DHCR24: variants seen among roughly 807,000 people sequenced by gnomAD.
DHCR24 encodes the protein delta(24)-sterol reductase.
In DHCR24, 28 loss-of-function variants were observed where a neutral mutation model predicts 61.2. The ratio of observed to expected loss-of-function variants is 0.46; its 90% CI spans 0.34 to 0.63. DHCR24 has a LOEUF of 0.63. Among genes scored for constraint, DHCR24 ranks in the 20% least tolerant of loss-of-function variants. The pLI is 0.01. For missense variants in DHCR24, 538 were observed against 679.1 expected, an observed-to-expected ratio of 0.79 and a Z score of 2.31; for synonymous variants, 261 against 275.9, an observed-to-expected ratio of 0.95 and a Z score of 0.54.
intron 2 of DHCR24, among the ~76,000 whole-genome samples, chr1:54,878,613 G>C (rs1647048116): frequency 6.8e-6 from 1 of 147,216 alleles, no homozygotes; most frequent in Non-Finnish European, 1.5e-5. Context: ...AGCCAGACTA[G>C]AAAACTTGAT....
At chr1:54,884,619 T>C (rs1265154427) in intron 1 of DHCR24, among the ~76,000 whole-genome samples, 1 of 152,204 alleles carries the variant, frequency 6.6e-6, no homozygotes, top group Non-Finnish European at 1.5e-5. Flanking sequence ...TTTTGACCTG[T>C]GACCATCCAT....
intron 5 of DHCR24, 65 bp downstream of exon 5, chr1:54,871,285 G>T: frequency 6.2e-7 from 1 of 1,601,244 alleles, no homozygotes; most frequent in Non-Finnish European, 8.5e-7. Context: ...TACGGGAACC[G>T]GCTCAGTCCT....
intron 1 of DHCR24, among the ~76,000 whole-genome samples, chr1:54,885,083 T>C (rs1217700377): frequency 6.6e-6 from 1 of 152,214 alleles, no homozygotes; most frequent in East Asian, 1.9e-4. Flanking sequence ...ACCAAAAGTC[T>C]GGTCAAATAC....
chr1:54,871,853 T>C (rs937511731), intron 4 of DHCR24, among the ~76,000 whole-genome samples: 2 of 151,976 alleles, frequency 1.3e-5, no homozygotes, highest in African/African-American at 4.8e-5. Flanking sequence ...AGCATCCTCC[T>C]TCTCCCATCT....
rs151322047 is a variant in DHCR24 at position 54,882,106 on chromosome 1, G to A, written c.387+1512C>T. The stretch of plus-strand genomic sequence containing the variant: ...TTTACCTATATAACAAACCTGTACA[G>A]GTACCACTTAATTTAAAAGTTTAAA... On this transcript the variant is annotated intron_variant, in intron 2 of 8. Coordinates refer to ENST00000371269, the MANE Select transcript of DHCR24 (RefSeq NM_014762.4). Among the ~76,000 whole-genome samples, 1,124 of 145,750 alleles carry A rather than the reference G, an allele frequency of 7.7e-3. 13 individuals carry two copies. The highest frequency in any genetic ancestry group is 0.027 in the African/African-American group (1,054 of 39,052).
At position 54,877,635 on chromosome 1, in the gene DHCR24, G is replaced by A. The variant is rs551872318; in HGVS notation, c.388-1588C>T. On this transcript the variant is annotated intron_variant, in intron 2 of 8. Transcript: ENST00000371269. ...TAAAAAAAGGTGAGCTCTAGGGATGGCCCATTTAACTGCCTGGAGTTAGGC... is the reference window on the plus strand; with the variant it reads ...TAAAAAAAGGTGAGCTCTAGGGATGACCCATTTAACTGCCTGGAGTTAGGC... Among the ~76,000 whole-genome samples, 17 of 151,730 alleles carry A rather than the reference G, an allele frequency of 1.1e-4. No homozygotes were observed. In the South Asian group the frequency reaches 3.6e-3, roughly 32 times the overall value.
Position 54,887,116 on chromosome 1 carries a change from C to G in DHCR24, c.4G>C (p.Glu2Gln). 1 of 1,578,102 alleles carries G rather than the reference C, an allele frequency of 6.3e-7. No individual in the cohort carries two copies. The highest frequency in any genetic ancestry group is 8.6e-7 in the Non-Finnish European group (1 of 1,162,776). Residue 2 changes from glutamate to glutamine, a missense_variant, in exon 1 of 9, where the codon GAG becomes CAG. By Grantham distance (29) the Glu-to-Gln change is conservative. Coordinates refer to ENST00000371269, the MANE Select transcript of DHCR24 (RefSeq NM_014762.4). MEPAVSLAVCAL... is the reference protein window; with the variant it reads MQPAVSLAVCAL... Reference sequence around the variant, plus strand: ...CACACGGCCAGCGACACGGCGGGCTCCATGGTGCGGCGCCGCGCGGTAAGC... The same window carrying G: ...CACACGGCCAGCGACACGGCGGGCTGCATGGTGCGGCGCCGCGCGGTAAGC...
chr1:54,859,499 A>G (rs986671997), intron 6 of DHCR24, among the ~76,000 whole-genome samples: 3 of 151,876 alleles, frequency 2.0e-5, no homozygotes, highest in South Asian at 2.1e-4. Context: ...TTTTTGAGAC[A>G]GAGTCTCGCT....
At chr1:54,875,256 A>T in intron 3 of DHCR24, 45 bp from the exon 4 acceptor site, 1 of 1,594,178 alleles carries the variant, frequency 6.3e-7, no homozygotes, top group Non-Finnish European at 8.6e-7. Flanking sequence ...AGCTGTGGGT[A>T]CAGGGTTGGG....
chr1:54,865,250 C>G (rs962018792), intron 6 of DHCR24, 53 bp downstream of exon 6: 1 of 1,588,082 alleles, frequency 6.3e-7, no homozygotes, highest in Admixed American at 1.8e-5. Flanking sequence ...ACTGTCCGGG[C>G]TCCCTGCCCA....
Position 54,875,168 on chromosome 1 carries a change from C to T in DHCR24, c.537G>A (p.Lys179=). ...MGTGIESSSH[K]YGLFQHICTA... is the part of the protein sequence containing the mutation. ...TGCAGATGTGTTGGAACAGGCCGTA[C>T]TTGTGGGATGATGACTCGATGCCTG... is the stretch of plus-strand genomic sequence containing the variant. Residue 179 remains lysine, a synonymous_variant, in exon 4 of 9, where the codon AAG becomes AAA. Transcript: ENST00000371269. 6.2e-7 allele frequency: 1 copy of T among 1,614,146 alleles called. No individual in the cohort carries two copies. Among genetic ancestry groups the T allele is most frequent in the Non-Finnish European group, 8.5e-7 (1 of 1,180,024 alleles).
At chr1:54,884,484 G>C (rs114953124) in intron 1 of DHCR24, among the ~76,000 whole-genome samples, 4,165 of 152,284 alleles carry the variant, frequency 0.027, 199 homozygotes, top group African/African-American at 0.093. Flanking sequence ...AAACCTCTAA[G>C]GTAAGTGACC....
intron 6 of DHCR24, among the ~76,000 whole-genome samples, chr1:54,863,272 G>A (rs1159775556): frequency 5.9e-5 from 9 of 151,866 alleles, no homozygotes; most frequent in Non-Finnish European, 7.4e-5. Context: ...GTCCACTCCC[G>A]TCCCCATCCA....
At chr1:54,871,232 G>T in intron 5 of DHCR24, 118 bp downstream of exon 5, 1 of 1,298,648 alleles carries the variant, frequency 7.7e-7, no homozygotes, top group Non-Finnish European at 1.1e-6. Flanking sequence ...CAGGTGGGTT[G>T]ACCCAGGCAG....
intron 5 of DHCR24, among the ~76,000 whole-genome samples, chr1:54,866,973 T>C (rs1238635627): frequency 6.6e-6 from 1 of 152,194 alleles, no homozygotes; most frequent in Non-Finnish European, 1.5e-5. Flanking sequence ...TACCTGGCAG[T>C]GGCAGCAGCT....
At position 54,883,724 on chromosome 1, in the gene DHCR24, C is replaced by T. The variant is rs387906939; in HGVS notation, c.281G>A (p.Arg94His). Residue 94 changes from arginine (R) to histidine (H), a missense_variant, in exon 2 of 9, where the codon CGC (arginine) becomes CAC (histidine). Coordinates refer to ENST00000371269, the MANE Select transcript of DHCR24 (RefSeq NM_014762.4). This position sits in a 1 kb window ranked among gnomAD's most constrained non-coding sequence, Gnocchi z 4.3. Reference sequence around the variant, plus strand: ...TAGTGAGACAGTGAGCCAGCCAGGGCGCCCCGTGCACATGAAGGTCTTGCT... The same window carrying T: ...TAGTGAGACAGTGAGCCAGCCAGGGTGCCCCGTGCACATGAAGGTCTTGCT... ...QGSKTFMCTGRPGWLTVSLRV... is the reference protein window; with the variant it reads ...QGSKTFMCTGHPGWLTVSLRV... 3 of 1,614,100 alleles carry T rather than the reference C, an allele frequency of 1.9e-6. No homozygotes were observed. Among genetic ancestry groups the T allele is most frequent in the Admixed American group, 1.7e-5 (1 of 60,010 alleles).
At chr1:54,861,940 G>C (rs1570185571) in intron 6 of DHCR24, among the ~76,000 whole-genome samples, 1 of 152,214 alleles carries the variant, frequency 6.6e-6, no homozygotes. Flanking sequence ...GCAATCAGAA[G>C]AGAACTCCCA....
At chr1:54,866,352 C>CTT (rs796435589) in intron 5 of DHCR24, among the ~76,000 whole-genome samples, 10 of 144,236 alleles carry the variant, frequency 6.9e-5, no homozygotes, top group East Asian at 2.0e-4. Context: ...ATAGGACCAT[C>CTT]TTTTTTTTTT....
At chr1:54,886,834 T>A in intron 1 of DHCR24, 55 bp downstream of exon 1, 1 of 1,525,098 alleles carries the variant, frequency 6.6e-7, no homozygotes, top group Non-Finnish European at 8.9e-7. Flanking sequence ...CGTCCCGCTA[T>A]CCCCGCGCAC....
Sources: allele counts gnomAD v4.1 joint callset (sites outside exome capture counted in the v4.1 genomes callset), GRCh38; gene constraint gnomAD v4.1.1; non-coding constraint Gnocchi (gnomAD v3.1); transcripts MANE v1.5; gene names NCBI Gene and HGNC (gene_info 2026-07-23, HGNC 2026-07-21).